Variants in PHLDB2 observed in about 807,000 individuals in gnomAD.
The protein encoded by PHLDB2 is pleckstrin homology like domain family B member 2, also known as pleckstrin homology-like domain family B member 2.
A neutral mutation model predicts 123.6 loss-of-function variants in PHLDB2; 71 were observed. The ratio of observed to expected loss-of-function variants is 0.57; its 90% CI spans 0.47 to 0.70. The LOEUF (loss-of-function observed/expected upper bound fraction) is 0.70. Among genes scored for constraint, PHLDB2 ranks in the 30% least tolerant of loss-of-function variants. The pLI, the probability that PHLDB2 is intolerant of heterozygous loss-of-function variation, is 0.00. For missense variants in PHLDB2, 1,446 were observed against 1,519.5 expected, an observed-to-expected ratio of 0.95 and a Z score of 0.80; for synonymous variants, 547 against 541.6, an observed-to-expected ratio of 1.01 and a Z score of -0.14.
chr3:111,863,653 C>G (rs2064939010), intron 1 of PHLDB2, among the ~76,000 whole-genome samples: 1 of 152,216 alleles, frequency 6.6e-6, no homozygotes, highest in African/African-American at 2.4e-5. Flanking sequence ...GCGGCAGAAT[C>G]TGCAAGCCTC....
chr3:111,768,902 T>C (rs1039470656), intron 1 of PHLDB2, among the ~76,000 whole-genome samples: 3 of 152,198 alleles, frequency 2.0e-5, no homozygotes, highest in Non-Finnish European at 4.4e-5. Context: ...CACTTCATCA[T>C]TGCCTGGGGA....
At chr3:111,790,709 A>G (rs1286570986) in intron 1 of PHLDB2, among the ~76,000 whole-genome samples, 1 of 152,196 alleles carries the variant, frequency 6.6e-6, no homozygotes, top group African/African-American at 2.4e-5. Flanking sequence ...TAAAATGAAG[A>G]CAATCATAAC....
At chr3:111,789,706 T>C (rs2060832976) in intron 1 of PHLDB2, among the ~76,000 whole-genome samples, 1 of 152,154 alleles carries the variant, frequency 6.6e-6, no homozygotes, top group Non-Finnish European at 1.5e-5. Flanking sequence ...ATAATATATA[T>C]TATGTGCTTA....
chr3:111,859,496 C>G lies in PHLDB2; in HGVS notation c.-95C>G. 11 of 985,606 alleles carry G rather than the reference C, an allele frequency of 1.1e-5. No homozygotes were observed. Among genetic ancestry groups the G allele is most frequent in the Non-Finnish European group, 1.3e-5 (11 of 830,048 alleles). 61.1% of individuals were successfully genotyped at this position (985,606 alleles called of 1,614,324 possible). ...CCATTGCGGCCCGAGGGGGACCCGA[C>G]GGGGGCCCGACGGTGTGGCGTGGCG... On this transcript the variant is annotated 5_prime_UTR_variant, in exon 1 of 18. Transcript: ENST00000431670.
chr3:111,934,939 G>A (rs1198902256), intron 6 of PHLDB2, among the ~76,000 whole-genome samples: 1 of 151,994 alleles, frequency 6.6e-6, no homozygotes, highest in Admixed American at 6.6e-5. Flanking sequence ...TCTACTAATT[G>A]TAGATATCAC....
intron 2 of PHLDB2, among the ~76,000 whole-genome samples, chr3:111,896,357 C>A (rs536382745): frequency 6.6e-6 from 1 of 150,490 alleles, no homozygotes; most frequent in Non-Finnish European, 1.5e-5. Flanking sequence ...TTTCTTCCCC[C>A]GCCCCGAGAC....
chr3:111,809,951 C>CAAGT (rs911215451), intron 1 of PHLDB2, among the ~76,000 whole-genome samples: 90 of 152,286 alleles, frequency 5.9e-4, no homozygotes, highest in African/African-American at 2.1e-3. Flanking sequence ...CTCAGCCTCC[C>CAAGT]AAGTAGCTGG....
chr3:111,895,359 T>C (rs544640581), intron 2 of PHLDB2, among the ~76,000 whole-genome samples: 1 of 152,328 alleles, frequency 6.6e-6, no homozygotes, highest in African/African-American at 2.4e-5. Context: ...CGCTGAAATA[T>C]AGAAAGCAAC....
intron 1 of PHLDB2, among the ~76,000 whole-genome samples, chr3:111,742,467 C>T (rs775710317): frequency 2.6e-5 from 4 of 152,234 alleles, no homozygotes; most frequent in African/African-American, 9.6e-5. Flanking sequence ...CTCCTCCCCC[C>T]ACCCCACAAC....
chr3:111,897,027 T>C (rs915055637), intron 2 of PHLDB2, among the ~76,000 whole-genome samples: 3 of 152,210 alleles, frequency 2.0e-5, no homozygotes, highest in Admixed American at 1.3e-4. Context: ...TTGACATTGA[T>C]ACAGTGAAGA....
Position 111,884,645 on chromosome 3 carries a change from C to T in PHLDB2, c.568C>T (p.Pro190Ser). 2 of 1,614,080 alleles carry T rather than the reference C, an allele frequency of 1.2e-6. No individual in the cohort carries two copies. The highest frequency in any genetic ancestry group is 1.7e-6 in the Non-Finnish European group (2 of 1,180,024). ...WNGSSLSDAG[P>S]PPISRSGAAS... ...TGGAAGTTCCCTGAGTGATGCTGGC[C>T]CGCCTCCTATCAGCAGATCGGGAGC... The change falls in exon 2 of 18, where the codon CCG (proline) becomes TCG (serine). Residue 190 changes from proline (P) to serine (S), a missense_variant. By Grantham distance (74) the Pro-to-Ser change is moderately conservative (BLOSUM62 -1). Around this residue, in one of 3 missense-constraint regions of PHLDB2, gnomAD observed 832 missense variants for 831.9 expected, o/e 1.00. Coordinates refer to ENST00000431670, the MANE Select transcript of PHLDB2 (RefSeq NM_001134438.2).
chr3:111,800,905 A>G (rs926073428), intron 1 of PHLDB2, among the ~76,000 whole-genome samples: 1 of 152,254 alleles, frequency 6.6e-6, no homozygotes, highest in Non-Finnish European at 1.5e-5. Flanking sequence ...GCCAATTAAG[A>G]TAAATCTTGA....
At chr3:111,859,892 G>A (rs1486358081) in intron 1 of PHLDB2, 2 of 957,002 alleles carry the variant, frequency 2.1e-6, no homozygotes, top group South Asian at 5.0e-5. Context: ...AGTGGGCTCC[G>A]GGGACACAGA....
chr3:111,797,591 G>C (rs1402407335), intron 1 of PHLDB2, among the ~76,000 whole-genome samples: 1 of 152,208 alleles, frequency 6.6e-6, no homozygotes. Context: ...GCTACCATCT[G>C]TGTCTTTTTA....
At chr3:111,970,642 T>C (rs1318258700) in intron 16 of PHLDB2, among the ~76,000 whole-genome samples, 1 of 152,210 alleles carries the variant, frequency 6.6e-6, no homozygotes, top group African/African-American at 2.4e-5. Flanking sequence ...TTAGTGTAAC[T>C]GGCATACTTA....
intron 2 of PHLDB2, among the ~76,000 whole-genome samples, chr3:111,894,759 G>A (rs2066721407): frequency 6.6e-6 from 1 of 151,702 alleles, no homozygotes; most frequent in Admixed American, 6.6e-5. Context: ...TGATAGGGTT[G>A]TTTTTTTCTT....
At chr3:111,852,710 A>C (rs1559868257) in intron 2 of PHLDB2, among the ~76,000 whole-genome samples, 1 of 152,000 alleles carries the variant, frequency 6.6e-6, no homozygotes, top group Non-Finnish European at 1.5e-5. Context: ...AAGTGATAAG[A>C]AAAGTGAGCC....
upstream of PHLDB2, among the ~76,000 whole-genome samples, chr3:111,857,722 AT>A (rs370656141): frequency 2.9e-4 from 44 of 152,342 alleles, no homozygotes; most frequent in African/African-American, 1.1e-3. Context: ...ATCACTAGTC[AT>A]TACAGAAATG....
chr3:111,951,224 T>C (rs1352857659), intron 10 of PHLDB2, among the ~76,000 whole-genome samples: 1 of 152,196 alleles, frequency 6.6e-6, no homozygotes, highest in Non-Finnish European at 1.5e-5. Flanking sequence ...CCATGAATTC[T>C]AGCTCTGCCG....
Sources: allele counts gnomAD v4.1 joint callset (sites outside exome capture counted in the v4.1 genomes callset), GRCh38; gene constraint gnomAD v4.1.1; regional missense constraint gnomAD v4.1.1; transcripts MANE v1.5; gene names NCBI Gene and HGNC (gene_info 2026-07-23, HGNC 2026-07-21).